The following FRAS1 variants were observed in gnomAD, a reference collection of about 807,000 sequenced individuals.
FRAS1 encodes extracellular matrix organizing protein FRAS1.
Under a neutral mutation model 435.2 loss-of-function variants are expected in FRAS1, and 290 were observed. The ratio of observed to expected loss-of-function variants is 0.67; its 90% CI spans 0.61 to 0.73. The LOEUF is 0.73. FRAS1 is among the 30% of genes least tolerant of loss of function. The pLI is 0.00. For synonymous variants in FRAS1, 1,800 were observed against 1,851.0 expected (o/e 0.97, Z 0.71); for missense variants, 4,860 against 5,001.5 (o/e 0.97, Z 0.85).
intron 29 of FRAS1, among the ~76,000 whole-genome samples, chr4:78,400,265 T>C (rs1732828130): frequency 6.6e-6 from 1 of 152,228 alleles, no homozygotes; most frequent in South Asian, 2.1e-4. Context: ...TTATAGAGCA[T>C]TAATCGTGAA....
chr4:78,400,900 T>C lies in FRAS1; in HGVS notation c.4129+13T>C. The C allele has an allele frequency of 6.2e-7, 1 of 1,612,868 alleles. No individual in the cohort carries two copies. The highest frequency in any genetic ancestry group is 8.5e-7 in the Non-Finnish European group (1 of 1,179,332). ...TACCCCCAGTTTGGTAACTATTTTT[T>C]CCTTTGGCGTGGTTTCATCGTTGCA... On this transcript the variant is annotated intron_variant, in intron 30 of 73. Coordinates refer to ENST00000512123, the MANE Select transcript of FRAS1 (RefSeq NM_025074.7).
chr4:78,415,924 A>T (rs951900), intron 32 of FRAS1, among the ~76,000 whole-genome samples: 2 of 151,950 alleles, frequency 1.3e-5, no homozygotes, highest in African/African-American at 2.4e-5. Context: ...AAGAACAATT[A>T]GTGGCATGAG....
At chr4:78,411,939 C>T (rs755436071) in intron 31 of FRAS1, among the ~76,000 whole-genome samples, 1 of 152,022 alleles carries the variant, frequency 6.6e-6, no homozygotes, top group Non-Finnish European at 1.5e-5. Context: ...ATTCAGTTTC[C>T]TCACCTGTAA....
chr4:78,515,162 T>C (rs915501592), intron 65 of FRAS1, among the ~76,000 whole-genome samples: 1 of 152,106 alleles, frequency 6.6e-6, no homozygotes, highest in African/African-American at 2.4e-5. Flanking sequence ...GAGCCATTCA[T>C]GTGCTTGGCA....
rs559826441 is a variant in FRAS1 at position 78,223,950 on chromosome 4, A to G, written c.109-13560A>G. ...AGTACAGTTTTGTTACTATATTATT[A>G]TTATTATTTTATGTCATGTGCCTTT... On this transcript the variant is annotated intron_variant, in intron 2 of 73. Transcript: ENST00000512123. Among the ~76,000 whole-genome samples the G allele has an allele frequency of 2.0e-5, 3 of 152,210 alleles. No individual in the cohort carries two copies. In the South Asian group the frequency reaches 6.2e-4, roughly 32 times the overall value.
intron 3 of FRAS1, among the ~76,000 whole-genome samples, chr4:78,241,267 A>G (rs1236069404): frequency 6.6e-6 from 1 of 152,098 alleles, no homozygotes; most frequent in Non-Finnish European, 1.5e-5. Context: ...TGCTTGCCCT[A>G]TTCATACCCC....
intron 2 of FRAS1, among the ~76,000 whole-genome samples, chr4:78,118,985 T>G (rs1371688067): frequency 6.6e-5 from 10 of 152,088 alleles, no homozygotes; most frequent in Non-Finnish European, 1.3e-4. Context: ...TTTTTTATAT[T>G]GTGTATGTAA....
intron 29 of FRAS1, among the ~76,000 whole-genome samples, chr4:78,396,686 C>T (rs1019067756): frequency 1.3e-4 from 20 of 152,246 alleles, no homozygotes; most frequent in African/African-American, 4.3e-4. Context: ...CCCATAAGTT[C>T]GGTAAACTTT....
intron 2 of FRAS1, among the ~76,000 whole-genome samples, chr4:78,212,862 C>T (rs1723575232): frequency 6.6e-6 from 1 of 152,126 alleles, no homozygotes; most frequent in Non-Finnish European, 1.5e-5. Flanking sequence ...TTGGGGAAAA[C>T]ACTATGAGTA....
chr4:78,515,394 C>T (rs1028260666), intron 65 of FRAS1, among the ~76,000 whole-genome samples: 5 of 149,962 alleles, frequency 3.3e-5, no homozygotes, highest in Non-Finnish European at 5.9e-5. Flanking sequence ...TAATAATTCA[C>T]CAATGAATGA....
chr4:78,382,448 T>A lies in FRAS1; in HGVS notation c.3564-1611T>A, dbSNP rs60976791. Among the ~76,000 whole-genome samples the A allele has an allele frequency of 7.4e-3, 1,119 of 152,224 alleles. 15 individuals are homozygous for A. The highest frequency in any genetic ancestry group is 0.025 in the African/African-American group (1,055 of 41,526). On this transcript the variant is annotated intron_variant, in intron 27 of 73. Coordinates refer to ENST00000512123, the MANE Select transcript of FRAS1 (RefSeq NM_025074.7). ...AACAGTGATATACTGAACACTGTTA[T>A]TGGAACCTCAGTGCCACCAAAAATC... is the stretch of plus-strand genomic sequence containing the variant.
At chr4:78,082,564 C>T (rs1176607238) in intron 2 of FRAS1, among the ~76,000 whole-genome samples, 1 of 151,694 alleles carries the variant, frequency 6.6e-6, no homozygotes, top group Admixed American at 6.6e-5. Flanking sequence ...GCTTTTTTTT[C>T]TTCTGTTAGT....
chr4:78,411,790 C>T lies in FRAS1; in HGVS notation c.4309-1179C>T, dbSNP rs530536724. The stretch of plus-strand genomic sequence containing the variant: ...AATATATTCCGCCACCGCACCCCTC[C>T]GCCACCCCTTTTCTAATTTCCTAAA... On this transcript the variant is annotated intron_variant, in intron 31 of 73. Coordinates refer to ENST00000512123, the MANE Select transcript of FRAS1 (RefSeq NM_025074.7). Among the ~76,000 whole-genome samples, 18 of 152,238 alleles carry T rather than the reference C, an allele frequency of 1.2e-4. No individual in the cohort carries two copies. In the South Asian group the frequency reaches 1.9e-3, roughly 16 times the overall value.
intron 14 of FRAS1, among the ~76,000 whole-genome samples, chr4:78,307,540 C>A (rs930498632): frequency 1.3e-5 from 2 of 152,356 alleles, no homozygotes; most frequent in East Asian, 3.9e-4. Context: ...GAGCCAGGTG[C>A]CGGATTTAAT....
At chr4:78,518,446 ATATATATTTATTTATTTATT>A (rs1721285284) in intron 66 of FRAS1, among the ~76,000 whole-genome samples, 1 of 106,902 alleles carries the variant, frequency 9.4e-6, no homozygotes, top group Non-Finnish European at 2.0e-5. Flanking sequence ...ATATATATAT[ATATATATTTATTTATTTATT>A]TATTTGTGGA....
At chr4:78,362,559 G>A (rs141559540) in intron 20 of FRAS1, among the ~76,000 whole-genome samples, 2 of 152,328 alleles carry the variant, frequency 1.3e-5, no homozygotes, top group Non-Finnish European at 2.9e-5. Context: ...TGGCACCCAG[G>A]TGGTGTGTTG....
At chr4:78,375,045 C>G (rs956314949) in intron 25 of FRAS1, among the ~76,000 whole-genome samples, 4 of 152,100 alleles carry the variant, frequency 2.6e-5, no homozygotes, top group African/African-American at 4.8e-5. Context: ...TAAACTATAC[C>G]GTATAGCCTC....
intron 2 of FRAS1, among the ~76,000 whole-genome samples, chr4:78,186,706 A>G (rs1308743017): frequency 6.6e-6 from 1 of 152,204 alleles, no homozygotes; most frequent in Non-Finnish European, 1.5e-5. Context: ...TGTTCTGATT[A>G]GTTATTTTCT....
At chr4:78,116,228 C>A (rs1473022693) in intron 2 of FRAS1, among the ~76,000 whole-genome samples, 1 of 152,128 alleles carries the variant, frequency 6.6e-6, no homozygotes, top group Non-Finnish European at 1.5e-5. Flanking sequence ...TTTACATTTG[C>A]CAAGGAGTGC....
Sources: gnomAD v4.1 joint callset for allele counts (sites outside exome capture counted in the v4.1 genomes callset) on GRCh38, gnomAD v4.1.1 for gene constraint, MANE v1.5 for transcripts, NCBI Gene and HGNC (gene_info 2026-07-23, HGNC 2026-07-21) for gene names.